Variants in ASGR1 observed in about 807,000 individuals in gnomAD.
ASGR1 encodes C-type lectin domain family 4 member H1.
Under a neutral mutation model 33.1 loss-of-function variants are expected in ASGR1, and 35 were observed. The observed-to-expected ratio is 1.06, with a 90% CI of 0.81 to 1.40. The LOEUF is 1.40. Among genes scored for constraint, ASGR1 ranks in the 40% most tolerant of loss-of-function variants. ASGR1 has a pLI of 0.00. For synonymous variants in ASGR1, 142 were observed against 152.5 expected, an observed-to-expected ratio of 0.93 and a Z score of 0.51; for missense variants, 396 against 373.7, an observed-to-expected ratio of 1.06 and a Z score of -0.49.
intron 5 of ASGR1, among the ~76,000 whole-genome samples, chr17:7,174,711 CAA>C (rs113035048): frequency 0.023 from 3,309 of 141,126 alleles, 120 homozygotes; most frequent in African/African-American, 0.078. Context: ...AGACAATATA[CAA>C]CACACACACA....
In ASGR1 at chr17:7,175,812, CACAG is replaced by C. The variant is rs202096259; in HGVS notation, c.355+1014_355+1017del. Among the ~76,000 whole-genome samples, 379 of 150,530 alleles carry C rather than the reference CACAG, an allele frequency of 2.5e-3. 3 individuals carry two copies. Among genetic ancestry groups the C allele is most frequent in the East Asian group, 0.021 (106 of 5,118 alleles). On this transcript the variant is annotated intron_variant, in intron 5 of 8. Coordinates refer to ENST00000269299, the MANE Select transcript of ASGR1 (RefSeq NM_001671.5). The stretch of plus-strand genomic sequence containing the variant: ...ACACACACACACTCCCTCTCATTCT[CACAG>C]ACACACACTCAGACACACACACCCA...
At position 7,178,733 on chromosome 17, in the gene ASGR1, C is replaced by CTTTT. The variant is rs1037452405; in HGVS notation, c.-25-149_-25-146dup. 3.9e-4 allele frequency: 76 copies of CTTTT among 193,056 alleles called. 7 individuals carry two copies. The highest frequency in any genetic ancestry group is 1.4e-3 in the Middle Eastern group (1 of 698). The allele number at this position is 193,056 out of a possible 1,614,324, so 12.0% of individuals were successfully genotyped here. On this transcript the variant is annotated intron_variant, in intron 1 of 8. Coordinates refer to ENST00000269299, the MANE Select transcript of ASGR1 (RefSeq NM_001671.5). ...TCTTTCTTTTCTTTTTCTTTTTTTTCTTTTCTTTTTTTTTTTTTTTTTGAG... is the reference window on the plus strand; with the variant it reads ...TCTTTCTTTTCTTTTTCTTTTTTTTCTTTTTTTTCTTTTTTTTTTTTTTTTTGAG...
At position 7,174,004 on chromosome 17, in the gene ASGR1, G is replaced by T. The variant is rs1257674622; in HGVS notation, c.658C>A (p.Pro220Thr). Residue 220 changes from proline (P) to threonine (T), a missense_variant, in exon 8 of 9, where the codon CCC (proline) becomes ACC (threonine). Pro to Thr is a conservative substitution (Grantham distance 38). Coordinates refer to ENST00000269299, the MANE Select transcript of ASGR1 (RefSeq NM_001671.5). ...TCCGTCCCGTCCACCCACTTCCAGG[G>T]CCCGTTTTGGTCGTGGAGGCCCATC... is the stretch of plus-strand genomic sequence containing the variant. ...TWMGLHDQNG[P>T]WKWVDGTDYE... The T allele has an allele frequency of 8.7e-6, 14 of 1,614,200 alleles. No homozygotes were observed. The highest frequency in any genetic ancestry group is 1.2e-5 in the Non-Finnish European group (14 of 1,180,016).
At chr17:7,175,701 C>T (rs1200588318) in intron 5 of ASGR1, among the ~76,000 whole-genome samples, 1 of 143,048 alleles carries the variant, frequency 7.0e-6, no homozygotes, top group Non-Finnish European at 1.5e-5. Flanking sequence ...ACCCACACTC[C>T]CTCATTCTCA....
At position 7,173,462 on chromosome 17, in the gene ASGR1, A is replaced by AT; in HGVS notation, c.*196_*197insA. The AT allele has an allele frequency of 4.2e-6, 3 of 718,320 alleles. No individual in the cohort carries two copies. The highest frequency in any genetic ancestry group is 6.7e-6 in the Non-Finnish European group (3 of 448,742). 44.5% of individuals were successfully genotyped at this position (718,320 alleles called of 1,614,324 possible). On this transcript the variant is annotated 3_prime_UTR_variant, in exon 9 of 9. Coordinates refer to ENST00000269299, the MANE Select transcript of ASGR1 (RefSeq NM_001671.5). This position sits in a 1 kb window ranked among gnomAD's most constrained non-coding sequence, Gnocchi z 4.7. ...TATATTTCTTTTTACTCTTAAAAAA[A>AT]AAAAGTTCACAATGATAACCTGCAA...
At chr17:7,176,617 CAT>C (rs2069215266) in intron 5 of ASGR1, 6 of 644,842 alleles carry the variant, frequency 9.3e-6, no homozygotes, top group East Asian at 2.8e-5. Context: ...CACTCACAGA[CAT>C]ACACACTCCC....
Position 7,177,319 on chromosome 17 carries a change from A to G in ASGR1, c.78T>C (p.Pro26=), listed in dbSNP as rs746456683. 1 of 1,612,796 alleles carries G rather than the reference A, an allele frequency of 6.2e-7. No homozygotes were observed. The part of the protein sequence containing the change: ...SDHHQLRKGP[P]PPQPLLQRLC... ...GACGCTGCAGGAGGGGCTGGGGAGG[A>G]GGTGGCCCTGCAAGAGGAGGGGGTG... The change falls in exon 3 of 9, where the codon CCT becomes CCC. Residue 26 remains proline (P), a synonymous_variant. Coordinates refer to ENST00000269299, the MANE Select transcript of ASGR1 (RefSeq NM_001671.5).
chr17:7,178,386 C>A, intron 2 of ASGR1, 108 bp downstream of exon 2: 2 of 1,176,040 alleles, frequency 1.7e-6, no homozygotes, highest in Non-Finnish European at 2.5e-6. Context: ...GGGAGGGAGA[C>A]AGACCCAGAG....
chr17:7,177,743 T>C (rs2069234571), intron 2 of ASGR1: 1 of 183,578 alleles, frequency 5.4e-6, no homozygotes, highest in South Asian at 1.1e-4. Context: ...CACTTGTCTT[T>C]GGCTGCGTGC....
intron 5 of ASGR1, among the ~76,000 whole-genome samples, chr17:7,176,331 TTCTCACAC>T (rs1329119998): frequency 1.1e-4 from 14 of 127,016 alleles, no homozygotes; most frequent in African/African-American, 3.7e-4. Context: ...ACACCCCTCA[TTCTCACAC>T]TCTCACACTC....
At chr17:7,175,605 C>G (rs963362866) in intron 5 of ASGR1, among the ~76,000 whole-genome samples, 14 of 141,110 alleles carry the variant, frequency 9.9e-5, no homozygotes, top group Non-Finnish European at 1.8e-4. Context: ...CTTACATTCT[C>G]ACACACGCAA....
Position 7,177,067 on chromosome 17 carries a change from A to C in ASGR1, c.197T>G (p.Leu66Arg). Residue 66 changes from leucine to arginine, a missense_variant, in exon 4 of 9, where the codon CTG (leucine) becomes CGG (arginine). Physicochemically the swap from Leu to Arg is moderately radical, Grantham distance 102 (BLOSUM62 -2). Coordinates refer to ENST00000269299, the MANE Select transcript of ASGR1 (RefSeq NM_001671.5). ...VCVIGSQNSQ[L>R]QEELRGLRET... is the part of the protein sequence containing the mutation. ...TCTCAGGCCCCGCAGCTCCTCCTGCAGCTGGGAGTCTGGCCAGGACAGCGT... is the reference window on the plus strand; with the variant it reads ...TCTCAGGCCCCGCAGCTCCTCCTGCCGCTGGGAGTCTGGCCAGGACAGCGT... 1 of 1,613,686 alleles carries C rather than the reference A, an allele frequency of 6.2e-7. No individual in the cohort carries two copies. The highest frequency in any genetic ancestry group is 8.5e-7 in the Non-Finnish European group (1 of 1,179,988).
rs201215587 is a variant in ASGR1 at position 7,176,220 on chromosome 17, AACACAC to A, written c.355+604_355+609del. 3.3e-3 allele frequency among the ~76,000 whole-genome samples: 350 copies of A among 105,698 alleles called. 2 individuals carry two copies. Among genetic ancestry groups the A allele is most frequent in the African/African-American group, 0.013 (337 of 26,020 alleles). 69.3% of individuals were successfully genotyped at this position (105,698 alleles called of 152,430 possible). On this transcript the variant is annotated intron_variant, in intron 5 of 8. Transcript: ENST00000269299. Reference sequence around the variant, plus strand: ...ACCCCATCTCATTCTCACACTCACAAACACACACACACTCACAGACACACACACCCC... The same window carrying A: ...ACCCCATCTCATTCTCACACTCACAAACACACTCACAGACACACACACCCC...
At chr17:7,176,593 C>T in intron 5 of ASGR1, 3 of 597,328 alleles carry the variant, frequency 5.0e-6, no homozygotes, top group Non-Finnish European at 8.9e-6. Flanking sequence ...CACACACACT[C>T]CATCTCATTC....
At chr17:7,176,715 C>T (rs1387437720) in intron 5 of ASGR1, 115 bp downstream of exon 5, 3 of 1,460,728 alleles carry the variant, frequency 2.1e-6, no homozygotes, top group Non-Finnish European at 1.9e-6. Context: ...CACACACACA[C>T]ACACTCCCTC....
At chr17:7,176,148 T>G (rs927266779) in intron 5 of ASGR1, among the ~76,000 whole-genome samples, 10 of 132,712 alleles carry the variant, frequency 7.5e-5, no homozygotes, top group African/African-American at 2.9e-4. Flanking sequence ...ACCCATCTCA[T>G]TCTCACACAC....
chr17:7,174,620 C>A (rs1202997949), intron 5 of ASGR1, among the ~76,000 whole-genome samples, 160 bp from the exon 6 acceptor site: 3 of 151,728 alleles, frequency 2.0e-5, no homozygotes, highest in African/African-American at 4.9e-5. Flanking sequence ...CATACACACA[C>A]ACACACACAC....
At chr17:7,174,940 C>A (rs2069177852) in intron 5 of ASGR1, among the ~76,000 whole-genome samples, 2 of 149,266 alleles carry the variant, frequency 1.3e-5, no homozygotes, top group Non-Finnish European at 3.0e-5. Context: ...CCCACATACA[C>A]AAAACACACC....
rs778849332 is a variant in ASGR1, at chr17:7,177,091, G to A, written c.188-15C>T. The A allele has an allele frequency of 4.3e-6, 7 of 1,613,640 alleles. No individual in the cohort carries two copies. The highest frequency in any genetic ancestry group is 1.3e-5 in the African/African-American group (1 of 74,836). On this transcript the variant is annotated splice_polypyrimidine_tract_variant and intron_variant, in intron 3 of 8. Transcript: ENST00000269299. Reference sequence around the variant, plus strand: ...CAGCTGGGAGTCTGGCCAGGACAGCGTGCAGAGAGAAGAAAACGGGATCGC... The same window carrying A: ...CAGCTGGGAGTCTGGCCAGGACAGCATGCAGAGAGAAGAAAACGGGATCGC...
Sources: allele counts gnomAD v4.1 joint callset (sites outside exome capture counted in the v4.1 genomes callset), GRCh38; gene constraint gnomAD v4.1.1; non-coding constraint Gnocchi (gnomAD v3.1); transcripts MANE v1.5; gene names NCBI Gene and HGNC (gene_info 2026-07-23, HGNC 2026-07-21).